FRMD4B: variants seen among roughly 807,000 people sequenced by gnomAD.
FRMD4B encodes the protein FERM domain containing 4B.
In FRMD4B, 74 loss-of-function variants were observed where a neutral mutation model predicts 141.5. The ratio of observed to expected loss-of-function variants is 0.52; its 90% CI spans 0.43 to 0.63. The LOEUF is 0.63. FRMD4B is among the 30% of genes least tolerant of loss of function. FRMD4B has a pLI of 0.00. For synonymous variants in FRMD4B, 506 were observed against 467.9 expected, an observed-to-expected ratio of 1.08 and a Z score of -1.05; for missense variants, 1,366 against 1,253.4, an observed-to-expected ratio of 1.09 and a Z score of -1.36.
rs764378414 is a variant in FRMD4B, at chr3:69,250,142, C to T, written c.502-43G>A. 2.6e-5 allele frequency: 35 copies of T among 1,372,202 alleles called. 1 individual carries two copies. The South Asian group carries it at 4.1e-4, about 16-fold the overall frequency. The allele number at this position is 1,372,202 out of a possible 1,614,324, so 85.0% of individuals were successfully genotyped here. On this transcript the variant is annotated intron_variant, in intron 5 of 22. Coordinates refer to ENST00000398540, the MANE Select transcript of FRMD4B (RefSeq NM_015123.3). ...AAGCATCATTGAACATGGGGCTGTC[C>T]TAGATTGTAGCAAATGGCTCTGAAG...
chr3:69,223,684 CA>C, intron 8 of FRMD4B, among the ~76,000 whole-genome samples: 1 of 152,126 alleles, frequency 6.6e-6, no homozygotes, highest in Non-Finnish European at 1.5e-5. Flanking sequence ...ACTAAAAATA[CA>C]AAAATTAGCC....
intron 1 of FRMD4B, among the ~76,000 whole-genome samples, chr3:69,506,410 G>A (rs943217587): frequency 6.6e-6 from 1 of 151,438 alleles, no homozygotes; most frequent in Non-Finnish European, 1.5e-5. Flanking sequence ...AGGCATAGTT[G>A]TGCTGTGCAT....
chr3:69,374,347 T>C (rs189006873), intron 1 of FRMD4B, among the ~76,000 whole-genome samples: 3 of 152,206 alleles, frequency 2.0e-5, no homozygotes, highest in African/African-American at 7.2e-5. Context: ...CTCTAGCCCA[T>C]TCTATTTCCC....
intron 1 of FRMD4B, among the ~76,000 whole-genome samples, chr3:69,461,411 C>A (rs1333693951): frequency 1.3e-5 from 2 of 151,204 alleles, no homozygotes; most frequent in Non-Finnish European, 3.0e-5. Context: ...ATAAATAAAT[C>A]AATAAATAAA....
At chr3:69,310,798 T>C (rs545433317) in intron 3 of FRMD4B, among the ~76,000 whole-genome samples, 46 of 151,988 alleles carry the variant, frequency 3.0e-4, no homozygotes, top group African/African-American at 1.1e-3. Context: ...CAACATAAAA[T>C]GGACCTAAGT....
At chr3:69,468,076 T>C (rs2106937279) in intron 1 of FRMD4B, among the ~76,000 whole-genome samples, 1 of 151,388 alleles carries the variant, frequency 6.6e-6, no homozygotes, top group African/African-American at 2.5e-5. Context: ...ATGTTAGCTA[T>C]CACTTGAAAC....
At chr3:69,529,999 G>A (rs1438022842) in intron 1 of FRMD4B, among the ~76,000 whole-genome samples, 1 of 152,162 alleles carries the variant, frequency 6.6e-6, no homozygotes, top group Non-Finnish European at 1.5e-5. Context: ...TTTTTCCCAT[G>A]ATAACAGGAA....
upstream of FRMD4B, among the ~76,000 whole-genome samples, chr3:69,388,341 T>A (rs1704314140): frequency 6.6e-6 from 1 of 152,120 alleles, no homozygotes; most frequent in Non-Finnish European, 1.5e-5. Flanking sequence ...GGATGTAGTA[T>A]AATAGGGGCT....
chr3:69,523,036 A>G (rs1018129979), intron 1 of FRMD4B, among the ~76,000 whole-genome samples: 3 of 152,006 alleles, frequency 2.0e-5, no homozygotes, highest in African/African-American at 7.3e-5. Context: ...CCATTCACAT[A>G]CTCAGAAAAG....
At chr3:69,525,693 C>T (rs574253616) in intron 1 of FRMD4B, among the ~76,000 whole-genome samples, 3 of 152,134 alleles carry the variant, frequency 2.0e-5, no homozygotes, top group East Asian at 1.9e-4. Context: ...ATTCTTTCAC[C>T]CAGTCTGGAG....
intron 3 of FRMD4B, among the ~76,000 whole-genome samples, chr3:69,305,485 T>TA (rs1701362342): frequency 6.6e-6 from 1 of 152,248 alleles, no homozygotes; most frequent in Admixed American, 6.5e-5. Context: ...ATGCCACTGA[T>TA]ATAAAGACAC....
intron 5 of FRMD4B, among the ~76,000 whole-genome samples, chr3:69,251,164 C>G (rs778639860): frequency 2.6e-5 from 4 of 152,092 alleles, no homozygotes; most frequent in Non-Finnish European, 4.4e-5. Context: ...AAAAATTCCA[C>G]GTAACTCCAT....
chr3:69,256,055 C>T (rs1189249358), intron 5 of FRMD4B, among the ~76,000 whole-genome samples: 1 of 151,960 alleles, frequency 6.6e-6, no homozygotes, highest in Non-Finnish European at 1.5e-5. Flanking sequence ...TGTGATTGCG[C>T]CACTGGACTC....
intron 1 of FRMD4B, chr3:69,472,545 C>G (rs1388021170): frequency 4.1e-6 from 1 of 241,816 alleles, no homozygotes; most frequent in African/African-American, 2.3e-5. Context: ...GATGTTTCCA[C>G]TTCTGGCCAA....
intron 2 of FRMD4B, among the ~76,000 whole-genome samples, chr3:69,392,296 T>G (rs1471258837): frequency 6.6e-6 from 1 of 151,964 alleles, no homozygotes; most frequent in African/African-American, 2.4e-5. Flanking sequence ...GGGGTTCCAA[T>G]AGAGACAGGT....
At chr3:69,273,354 C>A (rs1209377965) in intron 5 of FRMD4B, among the ~76,000 whole-genome samples, 1 of 152,140 alleles carries the variant, frequency 6.6e-6, no homozygotes, top group African/African-American at 2.4e-5. Context: ...TCCTATGTCT[C>A]CAAAAGACAC....
intron 1 of FRMD4B, chr3:69,536,727 G>A: frequency 1.6e-6 from 1 of 631,324 alleles, no homozygotes; most frequent in Non-Finnish European, 2.9e-6. Context: ...TTATGGTAAG[G>A]ACTTCCTCAG....
chr3:69,467,176 T>G (rs970703739), intron 1 of FRMD4B, among the ~76,000 whole-genome samples: 1 of 152,106 alleles, frequency 6.6e-6, no homozygotes. Context: ...CAATGAGAAG[T>G]GGAGGTACTG....
chr3:69,183,611 T>C (rs1021602806), intron 19 of FRMD4B, among the ~76,000 whole-genome samples: 30 of 148,708 alleles, frequency 2.0e-4, no homozygotes, highest in African/African-American at 6.8e-4. Flanking sequence ...GCCTCCGGAG[T>C]AGCTGGGACC....
Sources: allele counts gnomAD v4.1 joint callset (sites outside exome capture counted in the v4.1 genomes callset), GRCh38; gene constraint gnomAD v4.1.1; transcripts MANE v1.5; gene names NCBI Gene and HGNC (gene_info 2026-07-23, HGNC 2026-07-21).